CDH18: variants seen among roughly 807,000 people sequenced by gnomAD.
CDH18 encodes the protein cadherin-18.
CDH18 carries 31 observed loss-of-function variants against 67.9 expected under a neutral mutation model. The observed-to-expected ratio is 0.46, with a 90% CI of 0.34 to 0.62. The LOEUF is 0.62. CDH18 is among the 20% of genes least tolerant of loss of function. CDH18 has a pLI of 0.01. For missense variants in CDH18, 890 were observed against 975.5 expected, an observed-to-expected ratio of 0.91 and a Z score of 1.17; for synonymous variants, 362 against 347.2, an observed-to-expected ratio of 1.04 and a Z score of -0.48.
chr5:20,242,617 T>TATACATATATATATATATAC (rs1225420480), intron 2 of CDH18, among the ~76,000 whole-genome samples: 1 of 121,700 alleles, frequency 8.2e-6, no homozygotes, highest in Non-Finnish European at 1.6e-5. Flanking sequence ...AAAAAATATA[T>TATACATATATATATATATAC]ATATATATAT....
rs184437271 is a variant in CDH18 at position 19,787,455 on chromosome 5, A to T, written c.229-40219T>A. Among the ~76,000 whole-genome samples the T allele has an allele frequency of 6.7e-3, 1,014 of 152,214 alleles. 7 individuals carry two copies. Among genetic ancestry groups the T allele is most frequent in the Non-Finnish European group, 0.01 (712 of 68,010 alleles). Reference sequence around the variant, plus strand: ...CAACAGAGCGAGACTGTTTCAAAAAAAAAAAAATTGTTTAATGTATGAGCA... The same window carrying T: ...CAACAGAGCGAGACTGTTTCAAAAATAAAAAAATTGTTTAATGTATGAGCA... On this transcript the variant is annotated intron_variant, in intron 3 of 12. Coordinates refer to ENST00000382275, the MANE Select transcript of CDH18 (RefSeq NM_004934.5).
chr5:20,265,078 A>T (rs1744929981), intron 1 of CDH18, among the ~76,000 whole-genome samples: 2 of 152,184 alleles, frequency 1.3e-5, no homozygotes, highest in Admixed American at 6.5e-5. Flanking sequence ...CCATTATCTC[A>T]ATTTTGCCTG....
chr5:20,554,789 T>C (rs762427446), intron 1 of CDH18, among the ~76,000 whole-genome samples: 1 of 152,196 alleles, frequency 6.6e-6, no homozygotes, highest in South Asian at 2.1e-4. Context: ...ATGCAGCTTA[T>C]GAGTTGGAAC....
At chr5:19,938,747 T>G (rs567512208) in intron 2 of CDH18, among the ~76,000 whole-genome samples, 34 of 151,592 alleles carry the variant, frequency 2.2e-4, no homozygotes, top group African/African-American at 8.2e-4. Context: ...ATATGCCTTT[T>G]AAAGTTATAA....
chr5:20,039,248 T>C (rs1448588627), intron 2 of CDH18, among the ~76,000 whole-genome samples: 3 of 152,026 alleles, frequency 2.0e-5, no homozygotes, highest in East Asian at 3.8e-4. Flanking sequence ...AGAATCAATA[T>C]CATGAAAATA....
intron 2 of CDH18, among the ~76,000 whole-genome samples, chr5:20,168,435 CATT>C (rs1736460505): frequency 6.6e-6 from 1 of 151,892 alleles, no homozygotes; most frequent in Non-Finnish European, 1.5e-5. Context: ...AAAAAATAAA[CATT>C]ATTATTTAAA....
At chr5:20,190,628 G>C (rs1303691211) in intron 2 of CDH18, among the ~76,000 whole-genome samples, 1 of 151,904 alleles carries the variant, frequency 6.6e-6, no homozygotes, top group African/African-American at 2.4e-5. Context: ...CCTCTAACTG[G>C]AGGTTTCCCA....
chr5:20,037,780 C>T (rs1333902793), intron 2 of CDH18, among the ~76,000 whole-genome samples: 3 of 152,028 alleles, frequency 2.0e-5, no homozygotes, highest in Non-Finnish European at 2.9e-5. Context: ...ACCCCAGCAT[C>T]ACAATGCAAA....
At chr5:20,501,104 T>C (rs1197641533) in intron 1 of CDH18, among the ~76,000 whole-genome samples, 1 of 152,118 alleles carries the variant, frequency 6.6e-6, no homozygotes, top group Non-Finnish European at 1.5e-5. Flanking sequence ...AAATAAAATG[T>C]CAATTCTGTC....
At chr5:20,247,469 A>G (rs1333781767) in intron 2 of CDH18, among the ~76,000 whole-genome samples, 1 of 152,202 alleles carries the variant, frequency 6.6e-6, no homozygotes, top group East Asian at 1.9e-4. Flanking sequence ...ATTCTGTAAT[A>G]GATGAATGAA....
At chr5:20,229,508 T>G (rs1176361599) in intron 2 of CDH18, among the ~76,000 whole-genome samples, 2 of 152,150 alleles carry the variant, frequency 1.3e-5, no homozygotes, top group Non-Finnish European at 2.9e-5. Context: ...CAATGCTTGC[T>G]GTATTGCTGA....
intron 1 of CDH18, among the ~76,000 whole-genome samples, chr5:20,551,281 G>T (rs1231527547): frequency 6.6e-6 from 1 of 152,056 alleles, no homozygotes; most frequent in Non-Finnish European, 1.5e-5. Context: ...GGGTTAGAAG[G>T]ACGCTTGCTC....
intron 2 of CDH18, among the ~76,000 whole-genome samples, chr5:19,970,495 A>G (rs908002526): frequency 1.3e-5 from 2 of 151,472 alleles, no homozygotes; most frequent in African/African-American, 2.4e-5. Flanking sequence ...AAATTTTAAA[A>G]TATAGTTAGG....
intron 2 of CDH18, among the ~76,000 whole-genome samples, chr5:19,957,328 T>A (rs1333395015): frequency 6.6e-6 from 1 of 151,036 alleles, no homozygotes; most frequent in Non-Finnish European, 1.5e-5. Flanking sequence ...GTTTTATATA[T>A]GTAATTATAA....
chr5:19,761,588 A>C (rs549837035), intron 3 of CDH18, among the ~76,000 whole-genome samples: 2 of 152,288 alleles, frequency 1.3e-5, no homozygotes, highest in African/African-American at 4.8e-5. Flanking sequence ...AACAAAATAA[A>C]AGAGGACACA....
intron 3 of CDH18, among the ~76,000 whole-genome samples, chr5:19,833,183 T>C (rs1781251277): frequency 6.6e-6 from 1 of 152,178 alleles, no homozygotes; most frequent in African/African-American, 2.4e-5. Context: ...CATTTGTTTG[T>C]GTCCTCTCTT....
At chr5:20,561,518 G>A (rs1758214674) in intron 1 of CDH18, among the ~76,000 whole-genome samples, 2 of 151,996 alleles carry the variant, frequency 1.3e-5, no homozygotes, top group Non-Finnish European at 2.9e-5. Flanking sequence ...GCTACATATT[G>A]TATGATTCCA....
chr5:20,025,268 T>G (rs1738794986), intron 2 of CDH18, among the ~76,000 whole-genome samples: 1 of 152,224 alleles, frequency 6.6e-6, no homozygotes, highest in Non-Finnish European at 1.5e-5. Flanking sequence ...TGTTCCCACT[T>G]GGTTATGACT....
In CDH18 at chr5:20,507,826, C is replaced by T. The variant is rs4002057; in HGVS notation, c.-580+67636G>A. ...TACATAAGGGCATTTTGAGCATACA[C>T]GTTTAGAAAATTTTGCCCAACTAAA... On this transcript the variant is annotated intron_variant, in intron 1 of 14. Transcript: ENST00000507958. Among the ~76,000 whole-genome samples, 16 of 152,102 alleles carry T rather than the reference C, an allele frequency of 1.1e-4. No individual in the cohort carries two copies. In the East Asian group the frequency reaches 2.7e-3, roughly 26 times the overall value.
Sources: gnomAD v4.1 joint callset for allele counts (sites outside exome capture counted in the v4.1 genomes callset) on GRCh38, gnomAD v4.1.1 for gene constraint, MANE v1.5 for transcripts, NCBI Gene and HGNC (gene_info 2026-07-23, HGNC 2026-07-21) for gene names.